The following JMY variants were observed in gnomAD, a reference collection of about 807,000 sequenced individuals.
JMY encodes the protein junction mediating and regulatory protein, p53 cofactor.
In JMY, 46 loss-of-function variants were observed where a neutral mutation model predicts 103.3. That is an observed-to-expected ratio of 0.45 (90% confidence interval 0.35 to 0.57). The LOEUF is 0.57. Ranked by LOEUF, JMY falls within the 20% of genes least tolerant of loss-of-function variation. The probability of loss-of-function intolerance (pLI) is 0.00; values close to 1 mark genes in which losing one functional copy is unlikely to be tolerated. For missense variants in JMY, 1,238 were observed against 1,255.2 expected (o/e 0.99, Z 0.21); for synonymous variants, 526 against 489.3 (o/e 1.07, Z -0.99).
chr5:79,300,134 A>G lies in JMY; in HGVS notation c.1528-19A>G, dbSNP rs1403114830. 2.5e-6 allele frequency: 4 copies of G among 1,610,678 alleles called. No individual in the cohort carries two copies. The highest frequency in any genetic ancestry group is 2.5e-6 in the Non-Finnish European group (3 of 1,178,588). ...GTCCCCACCAGCTAGAAATTTTTTA[A>G]TTTGTATTTTCAATGCAGATGCAGA... On this transcript the variant is annotated intron_variant, in intron 4 of 10. Transcript: ENST00000396137.
At chr5:79,253,944 CTTTT>C (rs562468793) in intron 1 of JMY, among the ~76,000 whole-genome samples, 7 of 131,470 alleles carry the variant, frequency 5.3e-5, no homozygotes, top group South Asian at 5.0e-4. Context: ...TGGTAGATGA[CTTTT>C]TTTTTTTTTT....
intron 1 of JMY, among the ~76,000 whole-genome samples, chr5:79,265,709 ACTTT>A (rs1935673131): frequency 6.6e-6 from 1 of 151,092 alleles, no homozygotes; most frequent in African/African-American, 2.4e-5. Flanking sequence ...CCTCCTATGA[ACTTT>A]CTCAGGGAGC....
chr5:79,236,470 C>T lies in JMY; in HGVS notation c.-181C>T, dbSNP rs555650792. 4.1e-4 allele frequency: 183 copies of T among 442,820 alleles called. No homozygotes were observed. Among genetic ancestry groups the T allele is most frequent in the African/African-American group, 3.4e-3 (167 of 48,556 alleles). 27.4% of individuals were successfully genotyped at this position (442,820 alleles called of 1,614,324 possible). ...ATTGTCCTTCTCTCGATCCGCGCCA[C>T]AAAGGAGCTCGGCGGTCGGGGCGCG... On this transcript the variant is annotated 5_prime_UTR_variant, in exon 1 of 11. Transcript: ENST00000396137.
chr5:79,320,572 A>G (rs1747419151), intron 10 of JMY, among the ~76,000 whole-genome samples: 1 of 152,030 alleles, frequency 6.6e-6, no homozygotes, highest in Admixed American at 6.6e-5. Context: ...CAGCCTCCCA[A>G]AGTGCTGGGA....
chr5:79,282,178 A>T (rs1399421851), intron 2 of JMY, among the ~76,000 whole-genome samples: 3 of 152,038 alleles, frequency 2.0e-5, no homozygotes, highest in Non-Finnish European at 2.9e-5. Context: ...CTGCATTCCA[A>T]CCTGGGTGAC....
chr5:79,273,668 G>A (rs535549588), intron 1 of JMY, among the ~76,000 whole-genome samples: 8 of 152,122 alleles, frequency 5.3e-5, no homozygotes, highest in Non-Finnish European at 8.8e-5. Context: ...GTACAATGGC[G>A]TACGCCTATA....
At chr5:79,281,912 T>C (rs887556831) in intron 2 of JMY, among the ~76,000 whole-genome samples, 56 of 152,152 alleles carry the variant, frequency 3.7e-4, no homozygotes, top group African/African-American at 1.3e-3. Flanking sequence ...GATACCTTTA[T>C]TTGAAATTCT....
chr5:79,302,470 G>A (rs1285812659), intron 6 of JMY, among the ~76,000 whole-genome samples: 2 of 152,176 alleles, frequency 1.3e-5, no homozygotes, highest in African/African-American at 2.4e-5. Flanking sequence ...AGGGAGTGAG[G>A]AAAGGCTTCT....
chr5:79,269,651 G>A (rs1446110466), intron 1 of JMY, among the ~76,000 whole-genome samples: 1 of 151,938 alleles, frequency 6.6e-6, no homozygotes, highest in Non-Finnish European at 1.5e-5. Context: ...TACATATATT[G>A]TTAGATTTAT....
In JMY at chr5:79,324,472, A is replaced by C. The variant is rs930499589; in HGVS notation, c.*2870A>C. The stretch of plus-strand genomic sequence containing the variant: ...ATCTAGTCTCAACTGCAATGCATTT[A>C]AAATAGGTAAAACAAGTAAATGAGT... On this transcript the variant is annotated 3_prime_UTR_variant, in exon 11 of 11. Transcript: ENST00000396137. The C allele has an allele frequency of 4.4e-4, 67 of 152,226 alleles. No homozygotes were observed. Among genetic ancestry groups the C allele is most frequent in the African/African-American group, 1.4e-3 (58 of 41,460 alleles). The allele number at this position is 152,226 out of a possible 1,614,324, so 9.4% of individuals were successfully genotyped here. A position where few individuals can be genotyped will look rare whatever the true frequency, so the allele number is the denominator to read the frequency against.
At chr5:79,318,773 G>T (rs1480925690) in intron 10 of JMY, among the ~76,000 whole-genome samples, 461 of 23,000 alleles carry the variant, frequency 0.02, no homozygotes, top group African/African-American at 0.032. Flanking sequence ...GAGAGAGAGA[G>T]AGAGAGAGAG....
chr5:79,259,531 G>A (rs1275145382), intron 1 of JMY, among the ~76,000 whole-genome samples: 3 of 152,230 alleles, frequency 2.0e-5, no homozygotes, highest in Non-Finnish European at 4.4e-5. Context: ...GCCTCCTGCT[G>A]CCATTTATGG....
At chr5:79,306,631 A>G (rs1746890619) in intron 7 of JMY, among the ~76,000 whole-genome samples, 170 bp downstream of exon 7, 2 of 152,170 alleles carry the variant, frequency 1.3e-5, no homozygotes, top group South Asian at 2.1e-4. Flanking sequence ...CAGAGTTCCT[A>G]TACCCTCAAC....
In JMY at chr5:79,236,920, C is replaced by G; in HGVS notation, c.270C>G (p.Pro90=). 1.4e-6 allele frequency: 2 copies of G among 1,381,734 alleles called. No individual in the cohort carries two copies. Among genetic ancestry groups the G allele is most frequent in the Non-Finnish European group, 1.9e-6 (2 of 1,072,904 alleles). The allele number at this position is 1,381,734 out of a possible 1,614,324, so 85.6% of individuals were successfully genotyped here. A position where few individuals can be genotyped will look rare whatever the true frequency, so the allele number is the denominator to read the frequency against. ...GPGSPAGRGR[P]EATASATLVR... The stretch of plus-strand genomic sequence containing the variant: ...GCAGCCCGGCGGGCAGGGGTCGGCC[C>G]GAGGCCACTGCCTCTGCAACTCTGG... Residue 90 remains proline, a synonymous_variant, in exon 1 of 11, where the codon CCC becomes CCG. Transcript: ENST00000396137.
At chr5:79,308,347 T>C (rs562697208) in intron 7 of JMY, among the ~76,000 whole-genome samples, 1 of 152,330 alleles carries the variant, frequency 6.6e-6, no homozygotes, top group African/African-American at 2.4e-5. Context: ...TTTATAGTTT[T>C]GTGTTTTATA....
rs764390211 is a variant in JMY at position 79,314,684 on chromosome 5, A to T, written c.2492A>T (p.Asp831Val). Reference protein sequence around the residue: ...PPPPPLPVAKDSGPETLEKDL... With the variant: ...PPPPPLPVAKVSGPETLEKDL... The stretch of plus-strand genomic sequence containing the variant: ...CCACCACCTCTGCCTGTTGCTAAGG[A>T]CAGTGGCCCAGAGACACTGGAGAAA... The change falls in exon 9 of 11, where the codon GAC (aspartate) becomes GTC (valine). Residue 831 changes from aspartate to valine, a missense_variant. Coordinates refer to ENST00000396137, the MANE Select transcript of JMY (RefSeq NM_152405.5). 84 of 1,399,032 alleles carry T rather than the reference A, an allele frequency of 6.0e-5. No individual in the cohort carries two copies. The East Asian group carries it at 7.3e-4, about 12-fold the overall frequency. 86.7% of individuals were successfully genotyped at this position (1,399,032 alleles called of 1,614,324 possible).
In JMY at chr5:79,314,640, T is replaced by TCCCCCC; in HGVS notation, c.2450_2451insCCCCCC (p.Pro824_Pro825dup). The TCCCCCC allele has an allele frequency of 2.2e-6, 1 of 453,118 alleles. No individual in the cohort carries two copies. The highest frequency in any genetic ancestry group is 3.5e-6 in the Non-Finnish European group (1 of 287,224). 28.1% of individuals were successfully genotyped at this position (453,118 alleles called of 1,614,324 possible). On this transcript the variant is annotated inframe_insertion, in exon 9 of 11. Coordinates refer to ENST00000396137, the MANE Select transcript of JMY (RefSeq NM_152405.5). Reference sequence around the variant, plus strand: ...CTCCAACACCACCACCTCCCCCACCTCCTCCCCCTCCCCCACCACCACCAC... The same window carrying TCCCCCC: ...CTCCAACACCACCACCTCCCCCACCTCCCCCCCCTCCCCCTCCCCCACCACCACCAC...
chr5:79,257,808 G>T (rs1019756431), intron 1 of JMY, among the ~76,000 whole-genome samples: 3 of 152,054 alleles, frequency 2.0e-5, no homozygotes, highest in Non-Finnish European at 4.4e-5. Context: ...TGTTGCCCAG[G>T]CTGGAGTGCA....
chr5:79,320,645 T>G (rs767294845), intron 10 of JMY, among the ~76,000 whole-genome samples: 1 of 152,186 alleles, frequency 6.6e-6, no homozygotes, highest in Non-Finnish European at 1.5e-5. Context: ...TATAGCAATG[T>G]AGTTCAAAGG....
Sources: allele counts gnomAD v4.1 joint callset (sites outside exome capture counted in the v4.1 genomes callset), GRCh38; gene constraint gnomAD v4.1.1; transcripts MANE v1.5; gene names NCBI Gene and HGNC (gene_info 2026-07-23, HGNC 2026-07-21).